The following PTGFR variants were observed in gnomAD, a reference collection of about 807,000 sequenced individuals.
PTGFR encodes prostaglandin F2-alpha receptor.
PTGFR carries 15 observed loss-of-function variants against 26.2 expected under a neutral mutation model. That is an observed-to-expected ratio of 0.57 (90% CI 0.38 to 0.88). PTGFR has a LOEUF of 0.88. Among genes scored for constraint, PTGFR ranks in the 40% least tolerant of loss-of-function variants. The probability of loss-of-function intolerance (pLI) is 0.00; values close to 1 mark genes in which losing one functional copy is unlikely to be tolerated. For synonymous variants in PTGFR, 165 were observed against 151.1 expected (o/e 1.09, Z -0.68); for missense variants, 369 against 427.2 (o/e 0.86, Z 1.20).
At chr1:78,527,280 G>A (rs1372553634) in intron 2 of PTGFR, among the ~76,000 whole-genome samples, 2 of 152,048 alleles carry the variant, frequency 1.3e-5, no homozygotes, top group East Asian at 3.9e-4. Context: ...TCATTTAAAA[G>A]TTTAAATGGC....
intron 2 of PTGFR, chr1:78,497,821 A>G: frequency 1.6e-6 from 2 of 1,245,310 alleles, no homozygotes; most frequent in East Asian, 2.4e-5. Flanking sequence ...ACGCTATTAA[A>G]CTTCAGCTGT....
chr1:78,500,946 A>C (rs949709399), intron 2 of PTGFR, among the ~76,000 whole-genome samples: 1 of 152,222 alleles, frequency 6.6e-6, no homozygotes, highest in African/African-American at 2.4e-5. Flanking sequence ...TTGGATGAGC[A>C]CAGTGATCTG....
chr1:78,514,455 G>A (rs1239027892), intron 2 of PTGFR, among the ~76,000 whole-genome samples: 1 of 152,062 alleles, frequency 6.6e-6, no homozygotes, highest in Non-Finnish European at 1.5e-5. Context: ...TTTTGGAATG[G>A]GAATGTAAAC....
chr1:78,514,902 C>G (rs1275476567), intron 2 of PTGFR, among the ~76,000 whole-genome samples: 2 of 152,128 alleles, frequency 1.3e-5, no homozygotes, highest in East Asian at 3.9e-4. Context: ...GGTGATGCAC[C>G]TGTGCCCCCT....
At chr1:78,533,420 C>T (rs1033340858) in intron 2 of PTGFR, among the ~76,000 whole-genome samples, 1 of 152,156 alleles carries the variant, frequency 6.6e-6, no homozygotes, top group Non-Finnish European at 1.5e-5. Flanking sequence ...TTCCTGTACC[C>T]TGTAAGATTT....
intron 2 of PTGFR, among the ~76,000 whole-genome samples, chr1:78,527,879 C>T (rs1650409412): frequency 1.3e-5 from 2 of 152,040 alleles, no homozygotes; most frequent in Admixed American, 1.3e-4. Context: ...GAGCATGACA[C>T]TGGGAATAAG....
intron 2 of PTGFR, among the ~76,000 whole-genome samples, chr1:78,517,882 GA>G (rs1466739338): frequency 6.6e-6 from 1 of 152,130 alleles, no homozygotes; most frequent in African/African-American, 2.4e-5. Context: ...TTTTATTTCG[GA>G]AATTTTTTTT....
In PTGFR at chr1:78,536,842, T is replaced by A. The variant is rs951295979; in HGVS notation, c.*155T>A. 30 of 872,068 alleles carry A rather than the reference T, an allele frequency of 3.4e-5. No homozygotes were observed. Among genetic ancestry groups the A allele is most frequent in the Non-Finnish European group, 5.0e-5 (30 of 598,296 alleles). 54.0% of individuals were successfully genotyped at this position (872,068 alleles called of 1,614,324 possible). ...TGTCAGATTCAGGTTTTGAAATTTG[T>A]CAAATAAACAGGATAACTGTACATT... On this transcript the variant is annotated 3_prime_UTR_variant, in exon 3 of 3. Transcript: ENST00000370757.
In PTGFR at chr1:78,493,471, A is replaced by G. The variant is rs756283790; in HGVS notation, c.728A>G (p.His243Arg). The G allele has an allele frequency of 6.3e-7, 1 of 1,593,182 alleles. No individual in the cohort carries two copies. The highest frequency in any genetic ancestry group is 1.1e-5 in the South Asian group (1 of 87,794). ...KSQQHRQGRS[H>R]HLEMVIQLLA... ...CAGCAGCACAGACAAGGCAGATCTC[A>G]TCATTTGGAAATGGTAATCCAGCTC... Residue 243 changes from histidine (H) to arginine (R), a missense_variant, in exon 2 of 3, where the codon CAT becomes CGT. His to Arg is a conservative substitution (Grantham distance 29). Coordinates refer to ENST00000370757, the MANE Select transcript of PTGFR (RefSeq NM_000959.4).
At chr1:78,527,713 C>T (rs1650405166) in intron 2 of PTGFR, among the ~76,000 whole-genome samples, 2 of 152,092 alleles carry the variant, frequency 1.3e-5, no homozygotes, top group African/African-American at 4.8e-5. Flanking sequence ...TTGTGCATTA[C>T]AGAGAATGTT....
chr1:78,523,663 G>T (rs575549934), intron 2 of PTGFR, among the ~76,000 whole-genome samples: 26 of 152,198 alleles, frequency 1.7e-4, no homozygotes, highest in Admixed American at 6.6e-4. Flanking sequence ...CACTGCAACA[G>T]AATTTTATTT....
At chr1:78,532,372 A>G (rs1468324102) in intron 2 of PTGFR, 2 of 115,076 alleles carry the variant, frequency 1.7e-5, no homozygotes, top group Non-Finnish European at 1.5e-5. Flanking sequence ...ATTTATATAT[A>G]TATATATATA....
At chr1:78,533,982 T>C (rs2100403507) in intron 2 of PTGFR, among the ~76,000 whole-genome samples, 1 of 152,312 alleles carries the variant, frequency 6.6e-6, no homozygotes, top group East Asian at 1.9e-4. Context: ...ATTCTTTCCC[T>C]TATCTTAGTG....
chr1:78,532,498 A>G (rs752986458), intron 2 of PTGFR: 76 of 139,218 alleles, frequency 5.5e-4, no homozygotes, highest in Non-Finnish European at 2.1e-4. Context: ...ATATGTGTAT[A>G]TATTTGTGTG....
At chr1:78,497,002 G>A (rs1387957744) in intron 2 of PTGFR, among the ~76,000 whole-genome samples, 1 of 150,312 alleles carries the variant, frequency 6.7e-6, no homozygotes, top group East Asian at 2.0e-4. Flanking sequence ...GTTTACATTA[G>A]GGCTATCTCT....
chr1:78,500,414 T>C (rs1649674304), intron 2 of PTGFR, among the ~76,000 whole-genome samples: 1 of 152,230 alleles, frequency 6.6e-6, no homozygotes, highest in South Asian at 2.1e-4. Context: ...AAGTAGCTGC[T>C]TTGTCCAAGA....
chr1:78,522,145 T>C (rs987158860), intron 2 of PTGFR, among the ~76,000 whole-genome samples: 11 of 152,010 alleles, frequency 7.2e-5, no homozygotes, highest in African/African-American at 2.7e-4. Flanking sequence ...GGCCCTCAGG[T>C]CGGGGCTGTC....
intron 2 of PTGFR, among the ~76,000 whole-genome samples, chr1:78,503,701 T>C (rs895743472): frequency 6.6e-6 from 1 of 152,176 alleles, no homozygotes; most frequent in African/African-American, 2.4e-5. Context: ...TTTTTCCACT[T>C]TTACTATGGG....
chr1:78,495,057 G>A (rs12082394), intron 2 of PTGFR, among the ~76,000 whole-genome samples: 35,220 of 152,106 alleles, frequency 0.23, 4,296 homozygotes, highest in African/African-American at 0.29. Context: ...TATTCATATT[G>A]TTGCCTCACA....
Sources: allele counts gnomAD v4.1 joint callset (sites outside exome capture counted in the v4.1 genomes callset), GRCh38; gene constraint gnomAD v4.1.1; transcripts MANE v1.5; gene names NCBI Gene and HGNC (gene_info 2026-07-23, HGNC 2026-07-21).